Variants in ATP8A2 observed in about 807,000 individuals in gnomAD.
ATP8A2 encodes ATPase phospholipid transporting 8A2, also known as phospholipid-transporting ATPase IB.
In ATP8A2, 100 loss-of-function variants were observed where a neutral mutation model predicts 165.6. The ratio of observed to expected loss-of-function variants is 0.60; its 90% confidence interval spans 0.51 to 0.71. ATP8A2 has a LOEUF of 0.71. Ranked by LOEUF, ATP8A2 falls within the 30% of genes least tolerant of loss-of-function variation. The pLI is 0.00. For missense variants in ATP8A2, 1,227 were observed against 1,479.5 expected (o/e 0.83, Z 2.80); for synonymous variants, 543 against 548.8 (o/e 0.99, Z 0.15).
chr13:25,404,487 G>A (rs1038104590), intron 1 of ATP8A2, among the ~76,000 whole-genome samples: 1 of 152,068 alleles, frequency 6.6e-6, no homozygotes, highest in East Asian at 1.9e-4. Context: ...AGAGTGGCTT[G>A]GAGAGTGGTC....
chr13:25,626,838 G>A (rs1297746071), intron 24 of ATP8A2, among the ~76,000 whole-genome samples: 1 of 152,086 alleles, frequency 6.6e-6, no homozygotes, highest in African/African-American at 2.4e-5. Flanking sequence ...AAGAACAAAG[G>A]CGAACAAAGG....
intron 25 of ATP8A2, among the ~76,000 whole-genome samples, chr13:25,746,948 T>C (rs2044045137): frequency 6.6e-6 from 1 of 152,216 alleles, no homozygotes; most frequent in Admixed American, 6.5e-5. Flanking sequence ...GCTTCTTAGA[T>C]AGGATATGTT....
intron 33 of ATP8A2, among the ~76,000 whole-genome samples, chr13:25,940,230 C>G (rs1955034687): frequency 6.6e-6 from 1 of 152,158 alleles, no homozygotes; most frequent in South Asian, 2.1e-4. Context: ...GAGGCCCCTT[C>G]CCGGTGGCTC....
At chr13:25,971,995 G>A (rs1412847396) in intron 35 of ATP8A2, among the ~76,000 whole-genome samples, 1 of 151,942 alleles carries the variant, frequency 6.6e-6, no homozygotes, top group Non-Finnish European at 1.5e-5. Context: ...CCCCTTAAAG[G>A]ACATTCTGCC....
chr13:25,568,642 A>G (rs149451369), intron 16 of ATP8A2, among the ~76,000 whole-genome samples: 5 of 152,282 alleles, frequency 3.3e-5, no homozygotes, highest in African/African-American at 1.2e-4. Flanking sequence ...TAATGGGTAT[A>G]GAGTTTCTGC....
chr13:25,732,016 G>C (rs917635402), intron 25 of ATP8A2, among the ~76,000 whole-genome samples: 1 of 152,174 alleles, frequency 6.6e-6, no homozygotes, highest in Non-Finnish European at 1.5e-5. Flanking sequence ...CCTGAATTGT[G>C]AGTTTTCCCT....
At chr13:25,431,740 G>A (rs2034620620) in intron 1 of ATP8A2, among the ~76,000 whole-genome samples, 1 of 151,996 alleles carries the variant, frequency 6.6e-6, no homozygotes, top group African/African-American at 2.4e-5. Flanking sequence ...GAAAATTATA[G>A]GAATTAATTT....
chr13:25,569,046 T>C (rs116241368), intron 16 of ATP8A2, among the ~76,000 whole-genome samples: 3,277 of 152,248 alleles, frequency 0.022, 64 homozygotes, highest in Admixed American at 0.046. Flanking sequence ...CACTACTAGG[T>C]TTACTTATTT....
rs552423762 is a variant in ATP8A2 at position 25,537,603 on chromosome 13, G to A, written c.508-385G>A. Among the ~76,000 whole-genome samples the A allele has an allele frequency of 5.9e-5, 9 of 152,252 alleles. No individual in the cohort carries two copies. The South Asian group carries it at 1.9e-3, about 32-fold the overall frequency. ...TCATCAGGGGTGCAGTGGGGATTGA[G>A]CCCAGGCTTTAGGCTGGCTCTGGTG... On this transcript the variant is annotated intron_variant, in intron 6 of 36. Transcript: ENST00000381655.
intron 24 of ATP8A2, among the ~76,000 whole-genome samples, chr13:25,637,969 C>T (rs899821869): frequency 6.6e-6 from 1 of 152,230 alleles, no homozygotes; most frequent in Non-Finnish European, 1.5e-5. Context: ...TGTTCTACAG[C>T]CTCTGCTGCC....
At chr13:25,941,487 A>G (rs951482727) in intron 33 of ATP8A2, among the ~76,000 whole-genome samples, 18 of 152,032 alleles carry the variant, frequency 1.2e-4, no homozygotes, top group African/African-American at 2.9e-4. Flanking sequence ...TCTGGCTGCA[A>G]TGCTCTTCTT....
At chr13:25,491,212 T>C (rs746922425) in intron 2 of ATP8A2, among the ~76,000 whole-genome samples, 10 of 152,078 alleles carry the variant, frequency 6.6e-5, no homozygotes, top group Non-Finnish European at 1.2e-4. Flanking sequence ...TACGTGGAAA[T>C]TCATTAGGAG....
intron 2 of ATP8A2, among the ~76,000 whole-genome samples, chr13:25,496,022 T>G (rs952669974): frequency 1.3e-5 from 2 of 152,134 alleles, no homozygotes; most frequent in African/African-American, 4.8e-5. Context: ...GGCTGTATGC[T>G]CCAACACTAG....
intron 27 of ATP8A2, among the ~76,000 whole-genome samples, chr13:25,803,254 T>C (rs529674940): frequency 6.2e-4 from 94 of 152,274 alleles, no homozygotes; most frequent in African/African-American, 2.1e-3. Context: ...TCAGGTTTCA[T>C]GGCTTTTTCA....
chr13:25,547,050 A>G (rs1024803016), intron 10 of ATP8A2, among the ~76,000 whole-genome samples: 1 of 152,156 alleles, frequency 6.6e-6, no homozygotes, highest in Non-Finnish European at 1.5e-5. Context: ...GAATTGCCTG[A>G]ACCCAGGAGG....
At chr13:25,374,923 A>C (rs2032563580) in intron 1 of ATP8A2, among the ~76,000 whole-genome samples, 1 of 152,236 alleles carries the variant, frequency 6.6e-6, no homozygotes, top group South Asian at 2.1e-4. Flanking sequence ...TGCAGATCAC[A>C]GTCAGCTTCA....
chr13:25,534,937 G>A (rs1020235218), intron 6 of ATP8A2, among the ~76,000 whole-genome samples: 2 of 152,226 alleles, frequency 1.3e-5, no homozygotes, highest in Admixed American at 1.3e-4. Context: ...TGATGCCGAT[G>A]GTGTAGGGAG....
chr13:25,992,677 GT>G (rs34947450), intron 35 of ATP8A2, among the ~76,000 whole-genome samples: 46,375 of 147,082 alleles, frequency 0.32, 7,818 homozygotes, highest in Non-Finnish European at 0.39. Flanking sequence ...AAGTTGTATA[GT>G]TTTTTTTTTG....
intron 24 of ATP8A2, among the ~76,000 whole-genome samples, chr13:25,626,825 A>G (rs1007887013): frequency 7.2e-5 from 11 of 152,160 alleles, no homozygotes; most frequent in African/African-American, 2.7e-4. Flanking sequence ...CAGAGGGTGA[A>G]GGAAGAACAA....
Sources: allele counts gnomAD v4.1 joint callset (sites outside exome capture counted in the v4.1 genomes callset), GRCh38; gene constraint gnomAD v4.1.1; transcripts MANE v1.5; gene names NCBI Gene and HGNC (gene_info 2026-07-23, HGNC 2026-07-21).